Variants in PCF11 observed in about 807,000 individuals in gnomAD.
The protein encoded by PCF11 is pre-mRNA cleavage complex 2 protein Pcf11.
In PCF11, 19 loss-of-function variants were observed where a neutral mutation model predicts 166.1. That is an observed-to-expected ratio of 0.11 (90% CI 0.08 to 0.17). The LOEUF (loss-of-function observed/expected upper bound fraction) is 0.17. PCF11 is among the 10% of genes least tolerant of loss of function. The pLI, the probability that PCF11 is intolerant of heterozygous loss-of-function variation, is 1.00. For synonymous variants in PCF11, 663 were observed against 644.1 expected, an observed-to-expected ratio of 1.03 and a Z score of -0.44; for missense variants, 1,565 against 1,855.5, an observed-to-expected ratio of 0.84 and a Z score of 2.88.
At position 83,161,307 on chromosome 11, in the gene PCF11, C is replaced by A; in HGVS notation, c.193-20C>A. ...GGTGGTAATTCATTATACTAAACTT[C>A]TCAGTTTCTTTTTATTCAGGCTCCT... On this transcript the variant is annotated intron_variant, in intron 1 of 15. Transcript: ENST00000298281. 3 of 1,577,026 alleles carry A rather than the reference C, an allele frequency of 1.9e-6. No homozygotes were observed. The highest frequency in any genetic ancestry group is 2.6e-6 in the Non-Finnish European group (3 of 1,162,112).
At chr11:83,172,562 A>G (rs1860725631) in intron 9 of PCF11, among the ~76,000 whole-genome samples, 1 of 152,080 alleles carries the variant, frequency 6.6e-6, no homozygotes, top group African/African-American at 2.4e-5. Context: ...AGCTGGGACT[A>G]CAGGCGTGTG....
At chr11:83,172,332 T>A (rs1384853353) in intron 9 of PCF11, among the ~76,000 whole-genome samples, 1 of 152,188 alleles carries the variant, frequency 6.6e-6, no homozygotes, top group East Asian at 1.9e-4. Context: ...AAAAGCGGCT[T>A]TCCTAGCCAG....
chr11:83,168,785 G>A (rs1412824708), exon 8 of PCF11: 1 of 1,613,664 alleles, frequency 6.2e-7, no homozygotes, highest in Non-Finnish European at 8.5e-7. Flanking sequence ...GGAGGTGGGT[G>A]TCCTTTGAGA....
exon 16 of PCF11, chr11:83,186,538 T>A (rs1014281937): frequency 1.3e-5 from 2 of 152,176 alleles, no homozygotes; most frequent in Non-Finnish European, 2.9e-5. Context: ...GCCCAGCCTT[T>A]ATTTTTAAGT....
chr11:83,167,844 A>C lies in PCF11; in HGVS notation c.2092+339A>C. ...ATCTGGGAGTCGTACTTATGCTGAG[A>C]ATCTTTCACCCCATGAGGGCCGGAG... On this transcript the variant is annotated intron_variant, in intron 7 of 15. Coordinates refer to ENST00000298281, the Ensembl canonical transcript of PCF11. The surrounding 1 kb of genome is among the most constrained non-coding windows in gnomAD (Gnocchi z 4.2). 7.6e-7 allele frequency: 1 copy of C among 1,317,854 alleles called. No homozygotes were observed. Among genetic ancestry groups the C allele is most frequent in the South Asian group, 1.2e-5 (1 of 81,268 alleles). The allele number at this position is 1,317,854 out of a possible 1,614,324, so 81.6% of individuals were successfully genotyped here. A position where few individuals can be genotyped will look rare whatever the true frequency, so the allele number is the denominator to read the frequency against.
chr11:83,159,481 G>C (rs1032032541), intron 1 of PCF11, among the ~76,000 whole-genome samples: 1 of 152,156 alleles, frequency 6.6e-6, no homozygotes, highest in Non-Finnish European at 1.5e-5. Context: ...GGATCCGGAA[G>C]ACCTTCGAGA....
At chr11:83,163,944 GA>G in intron 3 of PCF11, 77 bp downstream of exon 3, 1 of 654,344 alleles carries the variant, frequency 1.5e-6, no homozygotes, top group South Asian at 3.1e-5. Context: ...CTTACTGCCA[GA>G]AAGTCAAAAT....
chr11:83,164,172 T>TA (rs763899044), intron 3 of PCF11, 35 bp from the exon 4 acceptor site: 19 of 1,498,480 alleles, frequency 1.3e-5, no homozygotes, highest in Admixed American at 6.1e-5. Context: ...TTTTAGCTGA[T>TA]ACGTTTTTCT....
At chr11:83,157,215 GCTT>G (rs1210463289) in exon 1 of PCF11, 26 of 585,474 alleles carry the variant, frequency 4.4e-5, no homozygotes, top group Middle Eastern at 4.5e-4. Flanking sequence ...GGAGAAAGAA[GCTT>G]CTGTGGCGGC....
chr11:83,180,917 A>T, intron 11 of PCF11, 91 bp from the exon 12 acceptor site: 1 of 660,992 alleles, frequency 1.5e-6, no homozygotes, highest in Non-Finnish European at 2.5e-6. Flanking sequence ...CACCATTGTT[A>T]CAGTATGGAA....
At chr11:83,165,971 C>T (rs1355878349) in exon 5 of PCF11, 9 of 1,601,054 alleles carry the variant, frequency 5.6e-6, no homozygotes, top group Non-Finnish European at 7.6e-6. Flanking sequence ...AAGAACTTGA[C>T]CAATTAGATT....
Position 83,163,834 on chromosome 11 carries a change from C to T in PCF11, c.474C>T (p.Ser158=), listed in dbSNP as rs777442419. ...TACCCCCCAATGTGAATACGTCTAG[C>T]ATCCATGTGAATCCTAAATTTTTAA... is the stretch of plus-strand genomic sequence containing the variant. Residue 158 remains serine, a synonymous_variant, in exon 3 of 16, where the codon AGC becomes AGT. Coordinates refer to ENST00000298281, the Ensembl canonical transcript of PCF11. 10 of 1,550,078 alleles carry T rather than the reference C, an allele frequency of 6.5e-6. No individual in the cohort carries two copies. In the Admixed American group the frequency reaches 2.0e-4, roughly 30 times the overall value.
intron 15 of PCF11, 82 bp downstream of exon 15, chr11:83,183,155 A>G (rs988307402): frequency 2.7e-5 from 21 of 764,248 alleles, no homozygotes; most frequent in Non-Finnish European, 3.6e-5. Context: ...CATCAGAGCA[A>G]TATTGTTATT....
At chr11:83,170,519 GT>G (rs57013890) in intron 8 of PCF11, among the ~76,000 whole-genome samples, 3,189 of 152,056 alleles carry the variant, frequency 0.021, 88 homozygotes, top group African/African-American at 0.071. Flanking sequence ...AAACACAATT[GT>G]TTGATATTAA....
At chr11:83,157,981 T>G (rs1022343731) in intron 1 of PCF11, 1 of 201,272 alleles carries the variant, frequency 5.0e-6, no homozygotes, top group Non-Finnish European at 1.0e-5. Flanking sequence ...CATAAGCCAT[T>G]TTAATTCCCT....
exon 5 of PCF11, chr11:83,166,585 A>C: frequency 6.2e-7 from 1 of 1,614,000 alleles, no homozygotes; most frequent in Non-Finnish European, 8.5e-7. Flanking sequence ...AAGACTGAAG[A>C]GGAGCGACCA....
At chr11:83,183,957 GC>G (rs1305030834) in intron 15 of PCF11, 1 of 151,306 alleles carries the variant, frequency 6.6e-6, no homozygotes, top group Admixed American at 6.6e-5. Flanking sequence ...TTCGAGAACA[GC>G]CTGGCCAACA....
exon 9 of PCF11, chr11:83,171,875 G>A: frequency 5.6e-6 from 9 of 1,602,006 alleles, no homozygotes; most frequent in Non-Finnish European, 7.7e-6. Flanking sequence ...GTTTTTACCA[G>A]TTCATCCACA....
chr11:83,157,805 G>C (rs543394999), intron 1 of PCF11, 174 bp downstream of exon 1: 9 of 617,878 alleles, frequency 1.5e-5, no homozygotes, highest in South Asian at 3.9e-5. Context: ...ATGGGCCTCT[G>C]GGGGGGAGGG....
Sources: allele counts gnomAD v4.1 joint callset (sites outside exome capture counted in the v4.1 genomes callset), GRCh38; gene constraint gnomAD v4.1.1; non-coding constraint Gnocchi (gnomAD v3.1); transcripts MANE v1.5; gene names NCBI Gene and HGNC (gene_info 2026-07-23, HGNC 2026-07-21).